The following ADGRL3 variants were observed in gnomAD, a reference collection of about 807,000 sequenced individuals.
The protein encoded by ADGRL3 is calcium-independent alpha-latrotoxin receptor 3.
In ADGRL3, 62 loss-of-function variants were observed where a neutral mutation model predicts 153.5. The observed-to-expected ratio is 0.40, with a 90% CI of 0.33 to 0.50. The LOEUF (loss-of-function observed/expected upper bound fraction) is 0.50, where lower values mean the gene tolerates loss of function less well. Ranked by LOEUF, ADGRL3 falls within the 20% of genes least tolerant of loss-of-function variation. The probability of loss-of-function intolerance (pLI) is 0.47; values close to 1 mark genes in which losing one functional copy is unlikely to be tolerated. For synonymous variants in ADGRL3, 710 were observed against 672.5 expected (o/e 1.06, Z -0.86); for missense variants, 1,641 against 1,859.4 (o/e 0.88, Z 2.16).
chr4:61,345,550 A>G (rs984727857), intron 1 of ADGRL3, among the ~76,000 whole-genome samples: 1 of 152,214 alleles, frequency 6.6e-6, no homozygotes, highest in African/African-American at 2.4e-5. Context: ...CAAAAGCTCT[A>G]TGATTATTGC....
Position 61,769,383 on chromosome 4 carries a change from G to T in ADGRL3, c.1399+35829G>T, listed in dbSNP as rs2097052878. On this transcript the variant is annotated intron_variant, in intron 8 of 26. Coordinates refer to ENST00000683033, the MANE Select transcript of ADGRL3 (RefSeq NM_001387552.1). ...GGGAGGTTGGAGAAGAGAGTAAAAAGAGGCCGCTTACCGGATTTGAAATTG... is the reference window on the plus strand; with the variant it reads ...GGGAGGTTGGAGAAGAGAGTAAAAATAGGCCGCTTACCGGATTTGAAATTG... Among the ~76,000 whole-genome samples the T allele has an allele frequency of 5.9e-5, 9 of 152,210 alleles. No homozygotes were observed. In the South Asian group the frequency reaches 1.9e-3, roughly 32 times the overall value.
intron 5 of ADGRL3, among the ~76,000 whole-genome samples, chr4:61,630,265 G>A (rs1414458829): frequency 1.3e-5 from 2 of 152,048 alleles, no homozygotes; most frequent in African/African-American, 4.8e-5. Context: ...TTTCTTGAAA[G>A]GTGAAGTAAT....
intron 4 of ADGRL3, among the ~76,000 whole-genome samples, chr4:61,576,619 A>G (rs1345102453): frequency 6.7e-6 from 1 of 148,424 alleles, no homozygotes; most frequent in Non-Finnish European, 1.5e-5. Context: ...TAATAAAAAT[A>G]TATTTGGAAA....
intron 1 of ADGRL3, among the ~76,000 whole-genome samples, chr4:61,256,597 G>GTTTGTTTATTT (rs1428130490): frequency 4.9e-4 from 75 of 152,054 alleles, no homozygotes; most frequent in African/African-American, 1.8e-3. Context: ...TGTTTATTTT[G>GTTTGTTTATTT]TGTGAAGAAG....
intron 21 of ADGRL3, among the ~76,000 whole-genome samples, chr4:62,025,157 T>C (rs990170190): frequency 6.6e-6 from 1 of 152,158 alleles, no homozygotes; most frequent in African/African-American, 2.4e-5. Flanking sequence ...ATTTTTTTTC[T>C]GCTCACTAAT....
At chr4:61,566,858 C>G (rs2098818401) in intron 4 of ADGRL3, among the ~76,000 whole-genome samples, 1 of 151,956 alleles carries the variant, frequency 6.6e-6, no homozygotes, top group Non-Finnish European at 1.5e-5. Flanking sequence ...TGAAGGAAAT[C>G]TAATCTATTT....
chr4:61,661,109 G>C (rs1305545078), intron 5 of ADGRL3, among the ~76,000 whole-genome samples: 1 of 151,814 alleles, frequency 6.6e-6, no homozygotes, highest in Non-Finnish European at 1.5e-5. Flanking sequence ...GGCCTTGAGA[G>C]GTTACATAAC....
chr4:62,012,167 A>G (rs538798263), intron 21 of ADGRL3, among the ~76,000 whole-genome samples: 268 of 152,252 alleles, frequency 1.8e-3, no homozygotes, highest in African/African-American at 6.1e-3. Flanking sequence ...CTTGGAGATA[A>G]AGTGAAACTT....
At chr4:61,211,216 G>A (rs1739860737) in intron 1 of ADGRL3, among the ~76,000 whole-genome samples, 2 of 152,262 alleles carry the variant, frequency 1.3e-5, no homozygotes, top group South Asian at 4.1e-4. Context: ...GGAAGTTATT[G>A]TGTTTCTCAC....
At chr4:62,060,988 T>A (rs569464188) in intron 25 of ADGRL3, among the ~76,000 whole-genome samples, 23 of 152,060 alleles carry the variant, frequency 1.5e-4, no homozygotes, top group Non-Finnish European at 3.2e-4. Flanking sequence ...CATGAGTTAT[T>A]TCCTGAATGA....
At chr4:61,748,538 C>G (rs895942908) in intron 8 of ADGRL3, among the ~76,000 whole-genome samples, 5 of 151,990 alleles carry the variant, frequency 3.3e-5, no homozygotes, top group African/African-American at 1.2e-4. Flanking sequence ...CAGATCAGAG[C>G]CCTCAGAAAT....
rs997033920 is a variant in ADGRL3, at chr4:61,279,040, C to T, written c.-240+77275C>T. Among the ~76,000 whole-genome samples, 26 of 152,116 alleles carry T rather than the reference C, an allele frequency of 1.7e-4. 1 individual carries two copies. Among genetic ancestry groups the T allele is most frequent in the Admixed American group, 1.3e-3 (20 of 15,262 alleles). ...GTGCTTTAAACATGTTGTTGCTCTA[C>T]GTCTGTTCATGATCATAAAAGAAAA... On this transcript the variant is annotated intron_variant, in intron 1 of 26. Coordinates refer to ENST00000683033, the MANE Select transcript of ADGRL3 (RefSeq NM_001387552.1).
intron 25 of ADGRL3, among the ~76,000 whole-genome samples, chr4:62,052,087 T>A (rs943641007): frequency 2.0e-5 from 3 of 151,544 alleles, no homozygotes; most frequent in Admixed American, 2.0e-4. Context: ...TTTCTTTATA[T>A]CCATAAAGAC....
At chr4:61,209,782 G>A (rs1214595082) in intron 1 of ADGRL3, among the ~76,000 whole-genome samples, 1 of 152,110 alleles carries the variant, frequency 6.6e-6, no homozygotes, top group East Asian at 1.9e-4. Context: ...TAAAATGAAA[G>A]CAACAATTTA....
intron 2 of ADGRL3, among the ~76,000 whole-genome samples, chr4:61,456,396 T>G (rs865965088): frequency 1.8e-3 from 192 of 108,390 alleles, no homozygotes; most frequent in Non-Finnish European, 1.9e-3. Context: ...TATAGATATA[T>G]CTATATCTAT....
At chr4:62,067,052 G>A (rs886700856) in intron 25 of ADGRL3, among the ~76,000 whole-genome samples, 2 of 152,148 alleles carry the variant, frequency 1.3e-5, no homozygotes, top group South Asian at 2.1e-4. Flanking sequence ...TACATCTCTC[G>A]ATATACTGGC....
chr4:61,278,357 C>T (rs1329484387), intron 1 of ADGRL3, among the ~76,000 whole-genome samples: 2 of 152,060 alleles, frequency 1.3e-5, no homozygotes, highest in Non-Finnish European at 2.9e-5. Context: ...AATTAATGAG[C>T]TAGTAACAAA....
intron 1 of ADGRL3, among the ~76,000 whole-genome samples, chr4:61,376,220 A>T (rs1004890670): frequency 6.6e-6 from 1 of 152,124 alleles, no homozygotes; most frequent in Non-Finnish European, 1.5e-5. Context: ...CTAGAAAATT[A>T]CCATTTAAAA....
intron 24 of ADGRL3, among the ~76,000 whole-genome samples, chr4:62,039,214 A>G (rs184299743): frequency 1.0e-3 from 154 of 152,210 alleles, no homozygotes; most frequent in African/African-American, 3.7e-3. Flanking sequence ...ATTTCTTTAT[A>G]CCTTTCAAAT....
Sources: allele counts gnomAD v4.1 joint callset (sites outside exome capture counted in the v4.1 genomes callset), GRCh38; gene constraint gnomAD v4.1.1; transcripts MANE v1.5; gene names NCBI Gene and HGNC (gene_info 2026-07-23, HGNC 2026-07-21).